RGS5: variants seen among roughly 807,000 people sequenced by gnomAD.
The protein encoded by RGS5 is regulator of G protein signaling 5.
In RGS5, 20 loss-of-function variants were observed where a neutral mutation model predicts 18.9. The observed-to-expected ratio is 1.06, with a 90% CI of 0.74 to 1.54. The LOEUF (loss-of-function observed/expected upper bound fraction) is 1.54, where lower values mean the gene tolerates loss of function less well. Ranked by LOEUF, RGS5 falls within the 40% of genes most tolerant of loss-of-function variation. The pLI, the probability that RGS5 is intolerant of heterozygous loss-of-function variation, is 0.00. For missense variants in RGS5, 201 were observed against 211.8 expected (o/e 0.95, Z 0.32); for synonymous variants, 57 against 76.2 (o/e 0.75, Z 1.31).
At chr1:163,188,257 G>A (rs568620277) in intron 1 of RGS5, among the ~76,000 whole-genome samples, 6 of 152,070 alleles carry the variant, frequency 3.9e-5, no homozygotes, top group African/African-American at 1.2e-4. Flanking sequence ...ACAATCCCAC[G>A]GTCATTGTTA....
chr1:163,257,541 C>G (rs1281362562), intron 2 of RGS5, among the ~76,000 whole-genome samples: 1 of 152,144 alleles, frequency 6.6e-6, no homozygotes, highest in Non-Finnish European at 1.5e-5. Flanking sequence ...TTTTTTCACA[C>G]ATTTAAAATT....
chr1:163,223,518 AC>A (rs1268756741), intron 2 of RGS5, among the ~76,000 whole-genome samples: 1 of 152,106 alleles, frequency 6.6e-6, no homozygotes, highest in Admixed American at 6.5e-5. Flanking sequence ...CACAAATGAT[AC>A]ATATTTTTCA....
chr1:163,291,134 A>T (rs1649274116), intron 2 of RGS5, among the ~76,000 whole-genome samples: 2 of 52,730 alleles, frequency 3.8e-5, no homozygotes, highest in Admixed American at 1.7e-4. Flanking sequence ...CACTTATTAA[A>T]AAAAAAAAAA....
chr1:163,231,831 G>C (rs1647489968), intron 2 of RGS5, among the ~76,000 whole-genome samples: 1 of 151,434 alleles, frequency 6.6e-6, no homozygotes, highest in Non-Finnish European at 1.5e-5. Flanking sequence ...CAAAGCAATA[G>C]GGAAACAGCA....
chr1:163,150,935 A>G (rs372554289), intron 4 of RGS5, among the ~76,000 whole-genome samples: 32 of 152,192 alleles, frequency 2.1e-4, no homozygotes, highest in Middle Eastern at 3.2e-3. Context: ...CATCTTAAGT[A>G]GATTTCTGCC....
At chr1:163,283,927 T>G (rs1428683709) in intron 2 of RGS5, among the ~76,000 whole-genome samples, 2 of 152,200 alleles carry the variant, frequency 1.3e-5, no homozygotes, top group African/African-American at 4.8e-5. Flanking sequence ...GCCAACATCT[T>G]GAGCGCAGTC....
At chr1:163,178,917 T>C (rs1047325079) in intron 1 of RGS5, among the ~76,000 whole-genome samples, 3 of 152,208 alleles carry the variant, frequency 2.0e-5, no homozygotes, top group African/African-American at 4.8e-5. Context: ...CCAAGCAATA[T>C]CATAAGATAC....
chr1:163,284,511 A>C (rs1649086147), intron 2 of RGS5, among the ~76,000 whole-genome samples: 1 of 152,152 alleles, frequency 6.6e-6, no homozygotes, highest in Admixed American at 6.5e-5. Context: ...CCAGCATATA[A>C]AATTCATGAA....
chr1:163,241,372 T>C (rs148987748), intron 2 of RGS5, among the ~76,000 whole-genome samples: 3 of 152,332 alleles, frequency 2.0e-5, no homozygotes, highest in Non-Finnish European at 4.4e-5. Flanking sequence ...GGTCTGAACA[T>C]AGCTGGGAGA....
intron 1 of RGS5, among the ~76,000 whole-genome samples, chr1:163,312,414 TAAAA>T (rs1156527751): frequency 6.6e-6 from 1 of 152,114 alleles, no homozygotes; most frequent in Non-Finnish European, 1.5e-5. Context: ...GGAGACTAAA[TAAAA>T]GAAAGATCTG....
intron 3 of RGS5, among the ~76,000 whole-genome samples, chr1:163,160,638 A>G (rs1657762777): frequency 6.6e-6 from 1 of 152,204 alleles, no homozygotes; most frequent in Non-Finnish European, 1.5e-5. Flanking sequence ...GCAGAAGCTT[A>G]TGACACCAAA....
chr1:163,170,424 C>G (rs1417676878), intron 1 of RGS5, among the ~76,000 whole-genome samples: 1 of 152,110 alleles, frequency 6.6e-6, no homozygotes, highest in Non-Finnish European at 1.5e-5. Context: ...CTAATCATAA[C>G]CAAAGTTTTA....
chr1:163,186,782 C>T (rs1273405399), intron 1 of RGS5, among the ~76,000 whole-genome samples: 1 of 152,078 alleles, frequency 6.6e-6, no homozygotes, highest in Non-Finnish European at 1.5e-5. Context: ...CCTCTTTTCT[C>T]ATCTATACAA....
At chr1:163,203,473 G>A (rs191800186), upstream of RGS5, among the ~76,000 whole-genome samples, 11 of 152,154 alleles carry the variant, frequency 7.2e-5, no homozygotes, top group African/African-American at 2.4e-4. Flanking sequence ...GATGGAGGCC[G>A]GGCTGGGATG....
exon 1 of RGS5, chr1:163,321,674 G>A (rs969382077): frequency 6.6e-6 from 1 of 152,296 alleles, no homozygotes; most frequent in Non-Finnish European, 1.5e-5. Flanking sequence ...CCTTCACTTG[G>A]TTTTGCTCTT....
intron 2 of RGS5, among the ~76,000 whole-genome samples, chr1:163,225,097 C>T (rs1174411700): frequency 6.6e-6 from 1 of 152,062 alleles, no homozygotes; most frequent in African/African-American, 2.4e-5. Flanking sequence ...TCAAAAAATC[C>T]TTGCTTTGAT....
intron 2 of RGS5, among the ~76,000 whole-genome samples, chr1:163,262,151 C>CTTTTTTT (rs532698783): frequency 5.8e-5 from 7 of 121,110 alleles, no homozygotes; most frequent in South Asian, 3.0e-4. Flanking sequence ...AGTTTTGAAA[C>CTTTTTTT]TTTTTTTTTT....
upstream of RGS5, among the ~76,000 whole-genome samples, chr1:163,203,849 T>A (rs1258208005): frequency 6.6e-6 from 1 of 152,104 alleles, no homozygotes; most frequent in Non-Finnish European, 1.5e-5. Flanking sequence ...TTACCAAAAT[T>A]TACCTGAATT....
chr1:163,151,650 T>G (rs1657378230), intron 4 of RGS5, among the ~76,000 whole-genome samples: 2 of 152,208 alleles, frequency 1.3e-5, no homozygotes, highest in South Asian at 4.1e-4. Context: ...ACTCCACTTT[T>G]ATTCTCTCTC....
Sources: gnomAD v4.1 joint callset for allele counts (sites outside exome capture counted in the v4.1 genomes callset) on GRCh38, gnomAD v4.1.1 for gene constraint, MANE v1.5 for transcripts, NCBI Gene and HGNC (gene_info 2026-07-23, HGNC 2026-07-21) for gene names.